TANK: variants seen among roughly 807,000 people sequenced by gnomAD.
TANK encodes TRAF family member-associated NF-kappa-B activator.
Under a neutral mutation model 43.6 loss-of-function variants are expected in TANK, and 15 were observed. The observed-to-expected ratio is 0.34, with a 90% CI of 0.23 to 0.53. TANK has a LOEUF of 0.53. TANK is among the 20% of genes least tolerant of loss of function. The pLI, the probability that TANK is intolerant of heterozygous loss-of-function variation, is 0.94. For missense variants in TANK, 417 were observed against 498.6 expected (o/e 0.84, Z 1.56); for synonymous variants, 162 against 178.2 (o/e 0.91, Z 0.73).
intron 4 of TANK, among the ~76,000 whole-genome samples, chr2:161,218,995 TGCTCACTGAA>T (rs1444375577): frequency 6.6e-6 from 1 of 152,002 alleles, no homozygotes; most frequent in Non-Finnish European, 1.5e-5. Context: ...TTAATTAAAT[TGCTCACTGAA>T]GTTATGCAGT....
intron 4 of TANK, among the ~76,000 whole-genome samples, chr2:161,220,013 G>A (rs567006949): frequency 5.9e-5 from 9 of 152,116 alleles, no homozygotes; most frequent in African/African-American, 2.2e-4. Flanking sequence ...TCCAAGTAAG[G>A]ATTCTCGTTT....
intron 2 of TANK, among the ~76,000 whole-genome samples, chr2:161,181,442 A>C (rs13394449): frequency 0.12 from 17,743 of 151,926 alleles, 1,768 homozygotes; most frequent in African/African-American, 0.26. Flanking sequence ...ACAACAACAA[A>C]AAAAAACTAC....
At chr2:161,189,596 A>G (rs1462926106) in intron 2 of TANK, among the ~76,000 whole-genome samples, 1 of 152,178 alleles carries the variant, frequency 6.6e-6, no homozygotes, top group East Asian at 1.9e-4. Context: ...AAGAAATAAA[A>G]TTATCTCTGT....
At chr2:161,223,153 T>C (rs938530921) in intron 4 of TANK, 4 of 152,126 alleles carry the variant, frequency 2.6e-5, no homozygotes, top group Admixed American at 1.3e-4. Context: ...TAACTTATGA[T>C]TCTGTATTAG....
intron 1 of TANK, among the ~76,000 whole-genome samples, chr2:161,152,462 C>G (rs865825465): frequency 6.6e-6 from 1 of 152,052 alleles, no homozygotes; most frequent in Non-Finnish European, 1.5e-5. Flanking sequence ...ATATGTCATT[C>G]TACTATTTTC....
At chr2:161,175,849 G>A (rs1685151576) in intron 1 of TANK, among the ~76,000 whole-genome samples, 1 of 152,142 alleles carries the variant, frequency 6.6e-6, no homozygotes, top group Non-Finnish European at 1.5e-5. Context: ...ATTGACAACA[G>A]TGGGTAGATG....
chr2:161,151,364 T>A (rs1006060509), intron 1 of TANK, among the ~76,000 whole-genome samples: 15 of 152,172 alleles, frequency 9.9e-5, no homozygotes, highest in African/African-American at 3.4e-4. Flanking sequence ...AAAAGTGACA[T>A]AATGTAGTCT....
intron 3 of TANK, among the ~76,000 whole-genome samples, chr2:161,203,933 G>T (rs759003034): frequency 6.6e-6 from 1 of 152,008 alleles, no homozygotes; most frequent in Non-Finnish European, 1.5e-5. Flanking sequence ...ATTTGTTCAG[G>T]TACTCAAAAA....
intron 4 of TANK, 169 bp downstream of exon 4, chr2:161,204,962 G>A: frequency 1.4e-6 from 2 of 1,399,278 alleles, no homozygotes; most frequent in South Asian, 1.5e-5. Flanking sequence ...GTAAAATAAA[G>A]GCTGAGGTTT....
chr2:161,179,025 G>A (rs750294274), intron 1 of TANK, among the ~76,000 whole-genome samples: 11 of 152,110 alleles, frequency 7.2e-5, no homozygotes, highest in Non-Finnish European at 1.2e-4. Context: ...AAAACTAGTC[G>A]GTAGTGGGGG....
chr2:161,179,995 A>T, intron 2 of TANK: 1 of 1,199,986 alleles, frequency 8.3e-7, no homozygotes, highest in East Asian at 3.5e-5. Context: ...TGATTGTGAA[A>T]GATTGTGAAT....
intron 1 of TANK, among the ~76,000 whole-genome samples, chr2:161,169,286 A>C (rs1684836682): frequency 6.6e-6 from 1 of 152,244 alleles, no homozygotes; most frequent in African/African-American, 2.4e-5. Flanking sequence ...TATATTGAGG[A>C]GTTGTATTAG....
intron 7 of TANK, chr2:161,232,775 AT>A (rs1224258771): frequency 6.4e-7 from 1 of 1,550,388 alleles, no homozygotes; most frequent in Non-Finnish European, 8.7e-7. Context: ...TGCATTGTAC[AT>A]TTGCTTTCTA....
chr2:161,189,966 G>A (rs1179884843), intron 2 of TANK, among the ~76,000 whole-genome samples: 1 of 152,090 alleles, frequency 6.6e-6, no homozygotes, highest in African/African-American at 2.4e-5. Flanking sequence ...GGCAACTAAG[G>A]AAAAAATAGT....
intron 2 of TANK, among the ~76,000 whole-genome samples, chr2:161,185,530 A>G (rs1352737299): frequency 6.6e-6 from 1 of 151,534 alleles, no homozygotes; most frequent in African/African-American, 2.4e-5. Flanking sequence ...GTGGAAGAAT[A>G]TATAACATAG....
chr2:161,168,247 A>G (rs776815431), intron 1 of TANK, among the ~76,000 whole-genome samples: 42 of 152,176 alleles, frequency 2.8e-4, no homozygotes, highest in Non-Finnish European at 5.3e-4. Context: ...TCACTATGAA[A>G]TAAGGAGGGA....
At chr2:161,232,693 C>G (rs1171867672) in intron 7 of TANK, 3 of 1,528,442 alleles carry the variant, frequency 2.0e-6, no homozygotes, top group South Asian at 1.2e-5. Flanking sequence ...ATGCTTGTTA[C>G]TTTTTTCTCT....
chr2:161,189,717 C>G (rs1010081128), intron 2 of TANK, among the ~76,000 whole-genome samples: 1 of 152,080 alleles, frequency 6.6e-6, no homozygotes, highest in East Asian at 1.9e-4. Context: ...AATCAGCATG[C>G]AAAAATCAGT....
At chr2:161,179,898 G>T in intron 2 of TANK, 137 bp downstream of exon 2, 2 of 1,280,280 alleles carry the variant, frequency 1.6e-6, no homozygotes, top group South Asian at 2.7e-5. Flanking sequence ...ATATATTAAT[G>T]GATTAAATTT....
Sources: allele counts gnomAD v4.1 joint callset (sites outside exome capture counted in the v4.1 genomes callset), GRCh38; gene constraint gnomAD v4.1.1; transcripts MANE v1.5; gene names NCBI Gene and HGNC (gene_info 2026-07-23, HGNC 2026-07-21).